PFAS: variants seen among roughly 807,000 people sequenced by gnomAD.
The protein encoded by PFAS is phosphoribosylformylglycinamidine synthase, also known as FGAM synthase.
A neutral mutation model predicts 140.6 loss-of-function variants in PFAS; 97 were observed. The observed-to-expected ratio is 0.69, with a 90% CI of 0.59 to 0.82. The LOEUF (loss-of-function observed/expected upper bound fraction) is 0.82. Ranked by LOEUF, PFAS falls within the 40% of genes least tolerant of loss-of-function variation. The pLI is 0.00. For synonymous variants in PFAS, 679 were observed against 718.8 expected (o/e 0.94, Z 0.88); for missense variants, 1,656 against 1,780.2 (o/e 0.93, Z 1.26).
Position 8,264,290 on chromosome 17 carries a change from C to T in PFAS, c.1870C>T (p.Pro624Ser), listed in dbSNP as rs759293914. ...TGCCCCCCCGACACCCCTGCCAACC[C>T]CTGTGGACCTGGAGCTCGAATGGGT... ...GDAPPTPLPT[P>S]VDLELEWVLG... is the part of the protein sequence containing the mutation. The change falls in exon 16 of 28, where the codon CCT (proline) becomes TCT (serine). Residue 624 changes from proline (P) to serine (S), a missense_variant. Transcript: ENST00000314666. 7.4e-6 allele frequency: 12 copies of T among 1,613,962 alleles called. No individual in the cohort carries two copies. Among genetic ancestry groups the T allele is most frequent in the South Asian group, 1.1e-5 (1 of 91,080 alleles).
Position 8,266,067 on chromosome 17 carries a change from C to A in PFAS, c.2701+50C>A. ...AGCGCACAGGGTGCCAGGCGTGCAG[C>A]AGGCGTTCACCATCTGAGCAGTGGG... On this transcript the variant is annotated intron_variant, in intron 21 of 27. Transcript: ENST00000314666. The surrounding 1 kb of genome is among the most constrained non-coding windows in gnomAD (Gnocchi z 5.0). 1 of 1,549,698 alleles carries A rather than the reference C, an allele frequency of 6.5e-7. No individual in the cohort carries two copies. Among genetic ancestry groups the A allele is most frequent in the Non-Finnish European group, 8.8e-7 (1 of 1,139,768 alleles).
In PFAS at chr17:8,258,085, T is replaced by C. The variant is rs1354953826; in HGVS notation, c.1222T>C (p.Leu408=). The C allele has an allele frequency of 1.2e-6, 2 of 1,614,154 alleles. No individual in the cohort carries two copies. The highest frequency in any genetic ancestry group is 1.7e-5 in the Admixed American group (1 of 60,028). ...TCACACTCCAGGCTTCGCCCGCTCC[T>C]TGGGCCTCCAGCTCCCAGACGGCCA... ...EPVLAGFARS[L]GLQLPDGQRR... The change falls in exon 11 of 28, where the codon TTG becomes CTG. Residue 408 remains leucine, a synonymous_variant. Coordinates refer to ENST00000314666, the MANE Select transcript of PFAS (RefSeq NM_012393.3).
At chr17:8,262,639 TA>T (rs1357982781) in intron 11 of PFAS, 1 of 334,898 alleles carries the variant, frequency 3.0e-6, no homozygotes, top group African/African-American at 2.1e-5. Flanking sequence ...ACTGAAAAAA[TA>T]CAAAAATTAG....
Position 8,251,428 on chromosome 17 carries a change from C to T in PFAS, c.-80+2089C>T, listed in dbSNP as rs181357080. Among the ~76,000 whole-genome samples the T allele has an allele frequency of 3.5e-3, 536 of 152,082 alleles. 4 individuals are homozygous for T. Among genetic ancestry groups the T allele is most frequent in the South Asian group, 0.01 (50 of 4,824 alleles). ...TCTTGAGTAGCTGGGACCACAGGTA[C>T]ATGCCACCATGCCCCACTAATTTTT... On this transcript the variant is annotated intron_variant, in intron 1 of 27. Transcript: ENST00000314666.
intron 1 of PFAS, among the ~76,000 whole-genome samples, chr17:8,252,661 G>A (rs370091725): frequency 3.9e-5 from 6 of 152,286 alleles, no homozygotes; most frequent in African/African-American, 1.4e-4. Context: ...GTGTTGCCCA[G>A]GCTGGAGTGC....
rs1268662518 is a variant in PFAS at position 8,264,616 on chromosome 17, C to A, written c.2049+15C>A. 3 of 1,589,776 alleles carry A rather than the reference C, an allele frequency of 1.9e-6. No homozygotes were observed. The highest frequency in any genetic ancestry group is 2.7e-5 in the African/African-American group (2 of 74,116). Reference sequence around the variant, plus strand: ...TCACCAATAAGGTCCTCCCTGCACCCTTCCTCTGCCCCCTGCCTCCTTCCT... The same window carrying A: ...TCACCAATAAGGTCCTCCCTGCACCATTCCTCTGCCCCCTGCCTCCTTCCT... On this transcript the variant is annotated intron_variant, in intron 17 of 27. Transcript: ENST00000314666.
chr17:8,253,739 A>G (rs1486947551), intron 1 of PFAS, 120 bp from the exon 2 acceptor site: 16 of 551,196 alleles, frequency 2.9e-5, no homozygotes, highest in Middle Eastern at 1.0e-3. Context: ...GGGTTTCACT[A>G]TGTTGGCCGG....
Position 8,256,585 on chromosome 17 carries a change from T to C in PFAS, c.883T>C (p.Phe295Leu), listed in dbSNP as rs1336858317. ...TGAGGACCCCACACGGCCAAGCCGC[T>C]TCCAGCAACAGCAAGGGCTGAGACA... is the stretch of plus-strand genomic sequence containing the variant. ...RPEDPTRPSR[F>L]QQQQGLRHVV... Residue 295 changes from phenylalanine (F) to leucine (L), a missense_variant, in exon 8 of 28, where the codon TTC becomes CTC. Physicochemically the swap from Phe to Leu is conservative, Grantham distance 22 (BLOSUM62 0). Transcript: ENST00000314666. The C allele has an allele frequency of 6.2e-7, 1 of 1,614,180 alleles. No individual in the cohort carries two copies. Among genetic ancestry groups the C allele is most frequent in the Non-Finnish European group, 8.5e-7 (1 of 1,180,034 alleles).
intron 16 of PFAS, 50 bp downstream of exon 16, chr17:8,264,387 C>T (rs1299034306): frequency 1.2e-6 from 2 of 1,612,392 alleles, no homozygotes; most frequent in East Asian, 2.2e-5. Context: ...CTCCACACCA[C>T]CCTTTACCCT....
In PFAS at chr17:8,253,844, A is replaced by C; in HGVS notation, c.-79-15A>C. 6.7e-7 allele frequency: 1 copy of C among 1,496,918 alleles called. No individual in the cohort carries two copies. Among genetic ancestry groups the C allele is most frequent in the South Asian group, 1.4e-5 (1 of 73,522 alleles). 92.7% of individuals were successfully genotyped at this position (1,496,918 alleles called of 1,614,324 possible). On this transcript the variant is annotated splice_polypyrimidine_tract_variant and intron_variant, in intron 1 of 27. Coordinates refer to ENST00000314666, the MANE Select transcript of PFAS (RefSeq NM_012393.3). ...GTGAGCCACCACGCCCGGCTTAGTT[A>C]ATGTTATTTTTTAGGAACCTAATTC...
chr17:8,252,106 G>A (rs1041219142), intron 1 of PFAS, among the ~76,000 whole-genome samples: 29 of 151,592 alleles, frequency 1.9e-4, no homozygotes, highest in Middle Eastern at 3.4e-3. Flanking sequence ...CCAGCCTGGC[G>A]AACATAGGGA....
chr17:8,264,859 C>T (rs1989745585), intron 17 of PFAS, 36 bp from the exon 18 acceptor site: 1 of 1,422,480 alleles, frequency 7.0e-7, no homozygotes, highest in African/African-American at 1.4e-5. Flanking sequence ...CTGTCCCTGT[C>T]CCTTGCTCTC....
intron 11 of PFAS, among the ~76,000 whole-genome samples, chr17:8,261,920 C>T (rs984577166): frequency 3.3e-5 from 5 of 151,764 alleles, no homozygotes; most frequent in Non-Finnish European, 7.4e-5. Flanking sequence ...ACCCTGGAGC[C>T]CCCAGGCTTC....
rs968668102 is a variant in PFAS at position 8,249,608 on chromosome 17, T to G, written c.-80+269T>G. 2.6e-5 allele frequency: 4 copies of G among 152,336 alleles called. No homozygotes were observed. In the South Asian group the frequency reaches 8.3e-4, roughly 32 times the overall value. 9.4% of individuals were successfully genotyped at this position (152,336 alleles called of 1,614,324 possible). On this transcript the variant is annotated intron_variant, in intron 1 of 27. Coordinates refer to ENST00000314666, the MANE Select transcript of PFAS (RefSeq NM_012393.3). ...CAGAAAGACTGCCGGCCGCCTACTTTATATCAGGCACCATGCTGGTCATGG... is the reference window on the plus strand; with the variant it reads ...CAGAAAGACTGCCGGCCGCCTACTTGATATCAGGCACCATGCTGGTCATGG...
chr17:8,264,117 G>A, intron 15 of PFAS, 95 bp from the exon 16 acceptor site: 1 of 1,548,904 alleles, frequency 6.5e-7, no homozygotes, highest in Non-Finnish European at 8.9e-7. Flanking sequence ...ACCAAACAAG[G>A]AGTGGAAAGC....
chr17:8,257,898 T>C lies in PFAS; in HGVS notation c.1167T>C (p.Ala389=). 1 of 1,614,194 alleles carries C rather than the reference T, an allele frequency of 6.2e-7. No individual in the cohort carries two copies. The highest frequency in any genetic ancestry group is 2.2e-5 in the East Asian group (1 of 44,892). The change falls in exon 10 of 28, where the codon GCT becomes GCC. Residue 389 remains alanine (A), a synonymous_variant. Transcript: ENST00000314666. ...LEVAIEASNG[A]SDYGNKFGEP... is the part of the protein sequence containing the mutation. ...TTGCCATTGAAGCCAGTAATGGAGCTTCTGACTATGGCAACAAGTTTGGGG... is the reference window on the plus strand; with the variant it reads ...TTGCCATTGAAGCCAGTAATGGAGCCTCTGACTATGGCAACAAGTTTGGGG...
At chr17:8,256,177 A>G (rs917265892) in intron 6 of PFAS, 90 bp from the exon 7 acceptor site, 2 of 1,276,408 alleles carry the variant, frequency 1.6e-6, no homozygotes, top group African/African-American at 3.0e-5. Flanking sequence ...TTTGGCTGTA[A>G]CTCTGCTGTT....
intron 1 of PFAS, among the ~76,000 whole-genome samples, chr17:8,253,485 T>C (rs28637379): frequency 0.019 from 2,878 of 152,310 alleles, 99 homozygotes; most frequent in African/African-American, 0.066. Context: ...AACGCCGCAA[T>C]TTTCCTTGAA....
rs769425855 is a variant in PFAS at position 8,266,839 on chromosome 17, G to A, written c.2908G>A (p.Asp970Asn). Residue 970 changes from aspartate (D) to asparagine (N), a missense_variant, in exon 23 of 28, where the codon GAT becomes AAT. Physicochemically the swap from Asp to Asn is conservative, Grantham distance 23. Around this residue, in one of 2 missense-constraint regions of PFAS, gnomAD observed 883 missense variants for 1,023.0 expected, o/e 0.86. Transcript: ENST00000314666. This position sits in a 1 kb window ranked among gnomAD's most constrained non-coding sequence, Gnocchi z 5.0. The stretch of plus-strand genomic sequence containing the variant: ...GGCCCAGGTGCTGAAGCGTTACCGG[G>A]ATGCTGGCCTCCATTGCCTGGAGCT... ...DLAQVLKRYR[D>N]AGLHCLELGH... is the part of the protein sequence containing the mutation. 8 of 1,610,826 alleles carry A rather than the reference G, an allele frequency of 5.0e-6. No individual in the cohort carries two copies. The highest frequency in any genetic ancestry group is 1.7e-5 in the Admixed American group (1 of 60,004).
Sources: gnomAD v4.1 joint callset for allele counts (sites outside exome capture counted in the v4.1 genomes callset) on GRCh38, gnomAD v4.1.1 for gene constraint, gnomAD v4.1.1 regional missense constraint, Gnocchi (gnomAD v3.1) non-coding constraint, MANE v1.5 for transcripts, NCBI Gene and HGNC (gene_info 2026-07-23, HGNC 2026-07-21) for gene names.